Variants in JMJD1C observed in about 807,000 individuals in gnomAD.
JMJD1C encodes jumonji domain-containing protein 1C.
JMJD1C carries 31 observed loss-of-function variants against 245.3 expected under a neutral mutation model. The observed-to-expected ratio is 0.13, with a 90% CI of 0.09 to 0.17. JMJD1C has a LOEUF of 0.17. JMJD1C is among the 10% of genes least tolerant of loss of function. JMJD1C has a pLI of 1.00. For synonymous variants in JMJD1C, 1,057 were observed against 1,017.4 expected (o/e 1.04, Z -0.74); for missense variants, 2,691 against 3,000.2 (o/e 0.90, Z 2.41).
intron 5 of JMJD1C, 67 bp downstream of exon 5, chr10:63,217,140 T>C (rs1421718344): frequency 7.4e-7 from 1 of 1,357,582 alleles, no homozygotes; most frequent in African/African-American, 1.5e-5. Flanking sequence ...ATTGTTGATG[T>C]ATTTTGGGGG....
At chr10:63,223,335 C>T (rs1564636965) in intron 3 of JMJD1C, among the ~76,000 whole-genome samples, 1 of 150,490 alleles carries the variant, frequency 6.6e-6, no homozygotes, top group Non-Finnish European at 1.5e-5. Flanking sequence ...TCAAGCGATT[C>T]TCCTGCCTCA....
rs146615858 is a variant in JMJD1C, at chr10:63,462,494, C to A, written c.168+3001G>T. 1.8e-3 allele frequency among the ~76,000 whole-genome samples: 267 copies of A among 152,280 alleles called. 2 individuals carry two copies. Among genetic ancestry groups the A allele is most frequent in the Middle Eastern group, 6.8e-3 (2 of 294 alleles). ...CCAGGAACCTGTAACTGTTACATTA[C>A]ATGGCAAAGGAGAATTAAAGTTTAC... is the stretch of plus-strand genomic sequence containing the variant. On this transcript the variant is annotated intron_variant, in intron 1 of 25. Coordinates refer to ENST00000399262, the MANE Select transcript of JMJD1C (RefSeq NM_032776.3).
At chr10:63,279,228 C>T (rs1857146865) in intron 2 of JMJD1C, among the ~76,000 whole-genome samples, 1 of 151,980 alleles carries the variant, frequency 6.6e-6, no homozygotes. Flanking sequence ...CCAGCCTGGG[C>T]AAAAGAGCAA....
chr10:63,453,053 T>A (rs1202484106), intron 1 of JMJD1C, among the ~76,000 whole-genome samples: 5 of 152,158 alleles, frequency 3.3e-5, no homozygotes, highest in African/African-American at 1.2e-4. Context: ...GGCAGGCGGA[T>A]CACTTGAGGT....
At chr10:63,353,662 C>T (rs1051633334) in intron 2 of JMJD1C, among the ~76,000 whole-genome samples, 2 of 151,634 alleles carry the variant, frequency 1.3e-5, no homozygotes, top group African/African-American at 2.4e-5. Flanking sequence ...ATTACAGGCG[C>T]GCACCACCAC....
intron 1 of JMJD1C, among the ~76,000 whole-genome samples, chr10:63,505,878 C>G (rs561236109): frequency 2.1e-5 from 3 of 143,484 alleles, no homozygotes; most frequent in Non-Finnish European, 3.0e-5. Flanking sequence ...TAAAGTCTTA[C>G]AGGTGGGATT....
Position 63,195,756 on chromosome 10 carries a change from G to A in JMJD1C, c.5645-1381C>T, listed in dbSNP as rs138579669. On this transcript the variant is annotated intron_variant, in intron 13 of 25. Coordinates refer to ENST00000399262, the MANE Select transcript of JMJD1C (RefSeq NM_032776.3). ...GAGATCGAGACCACGGTGAAAACCC[G>A]TCCCTACTAAAAATACAAAAAAATT... Among the ~76,000 whole-genome samples, 481 of 151,456 alleles carry A rather than the reference G, an allele frequency of 3.2e-3. 3 individuals carry two copies. Among genetic ancestry groups the A allele is most frequent in the African/African-American group, 0.011 (459 of 41,272 alleles).
chr10:63,340,945 T>TA (rs902986151), intron 2 of JMJD1C, among the ~76,000 whole-genome samples: 22 of 150,734 alleles, frequency 1.5e-4, no homozygotes, highest in African/African-American at 1.7e-4. Flanking sequence ...GACTCCATCT[T>TA]AAAAAAAAAG....
intron 17 of JMJD1C, 71 bp from the exon 18 acceptor site, chr10:63,189,517 CTT>C: frequency 7.4e-7 from 1 of 1,343,940 alleles, no homozygotes; most frequent in Non-Finnish European, 1.0e-6. Flanking sequence ...CTCCCACAGA[CTT>C]ATTTTTTTTT....
chr10:63,263,322 C>T (rs1023067288), intron 3 of JMJD1C, among the ~76,000 whole-genome samples: 1 of 152,188 alleles, frequency 6.6e-6, no homozygotes. Context: ...AATGTTTACA[C>T]TAAATGAACT....
intron 1 of JMJD1C, among the ~76,000 whole-genome samples, chr10:63,440,373 G>A (rs72837026): frequency 0.13 from 19,477 of 145,158 alleles, 1,932 homozygotes; most frequent in East Asian, 0.29. Context: ...TATAGAGAGA[G>A]AGAGAGAGAG....
chr10:63,380,337 T>C lies in JMJD1C; in HGVS notation c.314A>G (p.Gln105Arg), dbSNP rs1947117132. The change falls in exon 2 of 26, where the codon CAG becomes CGG. Residue 105 changes from glutamine (Q) to arginine (R), a missense_variant. Coordinates refer to ENST00000399262, the MANE Select transcript of JMJD1C (RefSeq NM_032776.3). ...TCTTACCAATGCAGGCCACTGAATC[T>C]GTTTGCTCTTTGATCCCTGAGTCTG... ...PSQTQGSKSK[Q>R]IQWPALTFKP... The C allele has an allele frequency of 6.2e-7, 1 of 1,613,952 alleles. No individual in the cohort carries two copies. Among genetic ancestry groups the C allele is most frequent in the South Asian group, 1.1e-5 (1 of 91,084 alleles).
At chr10:63,470,713 T>G (rs1241984733), upstream of JMJD1C, among the ~76,000 whole-genome samples, 6 of 152,042 alleles carry the variant, frequency 3.9e-5, no homozygotes, top group African/African-American at 1.4e-4. Flanking sequence ...ATCTTCTTGA[T>G]GCCATGGAAG....
chr10:63,284,562 T>A (rs9414786), intron 2 of JMJD1C, among the ~76,000 whole-genome samples: 130,639 of 152,060 alleles, frequency 0.86, 56,827 homozygotes, highest in African/African-American at 0.96. Context: ...TGGGAATAAC[T>A]TATAATGAAA....
intron 2 of JMJD1C, among the ~76,000 whole-genome samples, chr10:63,266,744 T>A (rs1031493604): frequency 1.3e-5 from 2 of 152,180 alleles, no homozygotes; most frequent in Non-Finnish European, 2.9e-5. Flanking sequence ...TGGCTAAAGA[T>A]ACAATTCAAT....
Position 63,421,226 on chromosome 10 carries a change from C to T in JMJD1C, c.169-40744G>A, listed in dbSNP as rs183296369. 2.2e-3 allele frequency among the ~76,000 whole-genome samples: 335 copies of T among 152,080 alleles called. 1 individual carries two copies. The highest frequency in any genetic ancestry group is 4.3e-3 in the Non-Finnish European group (293 of 67,978). On this transcript the variant is annotated intron_variant, in intron 1 of 25. Transcript: ENST00000399262. ...GCTCATGCCTGTAATCCCAACTACG[C>T]GGGAGGCTGAGGCAGGAGAATTGCT...
At position 63,197,437 on chromosome 10, in the gene JMJD1C, T is replaced by C. The variant is rs1845582666; in HGVS notation, c.5618A>G (p.Lys1873Arg). 1 of 1,613,570 alleles carries C rather than the reference T, an allele frequency of 6.2e-7. No homozygotes were observed. The highest frequency in any genetic ancestry group is 8.5e-7 in the Non-Finnish European group (1 of 1,179,880). Residue 1873 changes from lysine (K) to arginine (R), a missense_variant, in exon 13 of 26, where the codon AAG becomes AGG. This residue lies in a region of JMJD1C where 139 missense variants were observed against 270.5 expected (regional missense o/e 0.51). Transcript: ENST00000399262. Reference sequence around the variant, plus strand: ...TCTAGAACTCTTCCTTTCCTTTGCCTTGTAACAATCTAAGCAGACCACAAA... The same window carrying C: ...TCTAGAACTCTTCCTTTCCTTTGCCCTGTAACAATCTAAGCAGACCACAAA... Reference protein sequence around the residue: ...CGFVVCLDCYKAKERKSSRDK... With the variant: ...CGFVVCLDCYRAKERKSSRDK...
intron 3 of JMJD1C, among the ~76,000 whole-genome samples, chr10:63,250,568 T>C (rs1852917455): frequency 6.6e-6 from 1 of 152,114 alleles, no homozygotes; most frequent in Admixed American, 6.6e-5. Flanking sequence ...TCCTGACTGA[T>C]ATATATGCAA....
intron 1 of JMJD1C, among the ~76,000 whole-genome samples, chr10:63,508,534 GAC>G (rs1157121037): frequency 6.6e-6 from 1 of 152,174 alleles, no homozygotes; most frequent in African/African-American, 2.4e-5. Flanking sequence ...GTGGGATTTT[GAC>G]TGTGATTGTA....
Sources: gnomAD v4.1 joint callset for allele counts (sites outside exome capture counted in the v4.1 genomes callset) on GRCh38, gnomAD v4.1.1 for gene constraint, gnomAD v4.1.1 regional missense constraint, MANE v1.5 for transcripts, NCBI Gene and HGNC (gene_info 2026-07-23, HGNC 2026-07-21) for gene names.